The following MIA2 variants were observed in gnomAD, a reference collection of about 807,000 sequenced individuals.
MIA2 encodes the protein MIA SH3 domain ER export factor 2, also known as melanoma inhibitory activity protein 2.
MIA2 carries 127 observed loss-of-function variants against 167.8 expected under a neutral mutation model. That is an observed-to-expected ratio of 0.76 (90% confidence interval 0.66 to 0.88). The LOEUF is 0.88. Ranked by LOEUF, MIA2 falls within the 40% of genes least tolerant of loss-of-function variation. MIA2 has a pLI of 0.00. For synonymous variants in MIA2, 552 were observed against 541.9 expected (o/e 1.02, Z -0.26); for missense variants, 1,690 against 1,624.7 (o/e 1.04, Z -0.69).
chr14:39,250,216 G>A (rs1427081952), intron 4 of MIA2, among the ~76,000 whole-genome samples: 1 of 152,084 alleles, frequency 6.6e-6, no homozygotes, highest in Non-Finnish European at 1.5e-5. Flanking sequence ...AAATATTTTA[G>A]AGCACAATCA....
In MIA2 at chr14:39,267,315, C is replaced by T. The variant is rs937585812; in HGVS notation, c.1888-9619C>T. ...TGCGGGTGCCCCTGTCCCCCAGCTCCCCCCGCAGCCGGCTCCGCAGTGGTC... is the reference window on the plus strand; with the variant it reads ...TGCGGGTGCCCCTGTCCCCCAGCTCTCCCCGCAGCCGGCTCCGCAGTGGTC... On this transcript the variant is annotated intron_variant, in intron 6 of 28. Coordinates refer to ENST00000640607, the MANE Select transcript of MIA2 (RefSeq NM_001329214.4). The T allele has an allele frequency of 5.3e-6, 8 of 1,496,956 alleles. No homozygotes were observed. The African/African-American group carries it at 7.1e-5, about 13-fold the overall frequency. The allele number at this position is 1,496,956 out of a possible 1,614,324, so 92.7% of individuals were successfully genotyped here. A position where few individuals can be genotyped will look rare whatever the true frequency, so the allele number is the denominator to read the frequency against.
chr14:39,325,748 C>T (rs2067410167), intron 24 of MIA2, among the ~76,000 whole-genome samples: 1 of 151,194 alleles, frequency 6.6e-6, no homozygotes, highest in African/African-American at 2.4e-5. Flanking sequence ...GAGTCTCACT[C>T]TGTCACCCAG....
At chr14:39,315,528 A>G (rs2065250309) in intron 20 of MIA2, among the ~76,000 whole-genome samples, 155 bp from the exon 21 acceptor site, 1 of 152,188 alleles carries the variant, frequency 6.6e-6, no homozygotes, top group Non-Finnish European at 1.5e-5. Context: ...ATAATAGATT[A>G]TGTATACATG....
At chr14:39,303,412 T>C in intron 15 of MIA2, 66 bp from the exon 16 acceptor site, 2 of 1,176,358 alleles carry the variant, frequency 1.7e-6, no homozygotes, top group Non-Finnish European at 2.5e-6. Flanking sequence ...TAAAATCATT[T>C]TGATGTCTAT....
chr14:39,306,491 G>A (rs1005597450), intron 17 of MIA2, among the ~76,000 whole-genome samples: 1 of 152,080 alleles, frequency 6.6e-6, no homozygotes, highest in Non-Finnish European at 1.5e-5. Context: ...CATCTAGGGG[G>A]AGACAGCGCT....
At position 39,307,462 on chromosome 14, in the gene MIA2, C is replaced by T. The variant is rs139528528; in HGVS notation, c.2879-987C>T. On this transcript the variant is annotated intron_variant, in intron 17 of 28. Coordinates refer to ENST00000640607, the MANE Select transcript of MIA2 (RefSeq NM_001329214.4). ...TGTCATCCAGGCTGGAGTGCAGTGG[C>T]GTGATCTTGGCTCACTGCACGCTCT... Among the ~76,000 whole-genome samples, 1,168 of 122,936 alleles carry T rather than the reference C, an allele frequency of 9.5e-3. 17 individuals carry two copies. Among genetic ancestry groups the T allele is most frequent in the African/African-American group, 0.033 (1,069 of 32,328 alleles). 80.7% of individuals were successfully genotyped at this position (122,936 alleles called of 152,430 possible). A position where few individuals can be genotyped will look rare whatever the true frequency, so the allele number is the denominator to read the frequency against.
Position 39,277,019 on chromosome 14 carries a change from T to G in MIA2, c.1973T>G (p.Val658Gly). The G allele has an allele frequency of 6.2e-7, 1 of 1,613,954 alleles. No homozygotes were observed. The change falls in exon 7 of 29, where the codon GTT becomes GGT. Residue 658 changes from valine (V) to glycine (G), a missense_variant. Transcript: ENST00000640607. Reference sequence around the variant, plus strand: ...GAATTGGTGATATGTGCAGCTGTTGTTGGATTTTTTGCTGTTCTCTTTTTT... The same window carrying G: ...GAATTGGTGATATGTGCAGCTGTTGGTGGATTTTTTGCTGTTCTCTTTTTT... ...PWELVICAAV[V>G]GFFAVLFFLW...
chr14:39,314,997 T>C (rs1425061358), intron 20 of MIA2, 198 bp downstream of exon 20: 2 of 437,402 alleles, frequency 4.6e-6, no homozygotes, highest in African/African-American at 4.0e-5. Flanking sequence ...AAAATTGCTG[T>C]ATTGGCTGGG....
At chr14:39,268,076 G>C (rs2056335941) in intron 6 of MIA2, among the ~76,000 whole-genome samples, 1 of 151,420 alleles carries the variant, frequency 6.6e-6, no homozygotes, top group African/African-American at 2.4e-5. Flanking sequence ...GTACAGTCTA[G>C]AGATAGTAAA....
chr14:39,280,465 G>A (rs1351679502), intron 9 of MIA2, among the ~76,000 whole-genome samples: 1 of 152,120 alleles, frequency 6.6e-6, no homozygotes. Flanking sequence ...GGGCACGGTG[G>A]CTCATGCTTG....
exon 24 of MIA2, chr14:39,387,872 G>A (rs2075293260): frequency 6.6e-6 from 1 of 152,152 alleles, no homozygotes; most frequent in Non-Finnish European, 1.5e-5. Flanking sequence ...AAAAGATTAT[G>A]ACTCGCTGAA....
chr14:39,383,018 T>TG (rs2075201055), intron 23 of MIA2, among the ~76,000 whole-genome samples: 3 of 149,768 alleles, frequency 2.0e-5, no homozygotes, highest in Admixed American at 1.3e-4. Context: ...AGGCCTTCTG[T>TG]GGGTCCTGAT....
chr14:39,320,963 C>G lies in MIA2; in HGVS notation c.3403C>G (p.Pro1135Ala), dbSNP rs1273642311. The change falls in exon 24 of 29, where the codon CCT (proline) becomes GCT (alanine). Residue 1135 changes from proline (P) to alanine (A), a missense_variant. Transcript: ENST00000640607. ...SPYGPSPLGW[P>A]SSETRAFLSP... is the part of the protein sequence containing the mutation. ...ATATGGTCCCTCACCATTGGGTTGGCCTTCATCTGAAACAAGAGCTTTTCT... is the reference window on the plus strand; with the variant it reads ...ATATGGTCCCTCACCATTGGGTTGGGCTTCATCTGAAACAAGAGCTTTTCT... 6.2e-7 allele frequency: 1 copy of G among 1,613,556 alleles called. No homozygotes were observed. The highest frequency in any genetic ancestry group is 8.5e-7 in the Non-Finnish European group (1 of 1,179,704).
At chr14:39,365,969 C>T (rs1378478303) in intron 23 of MIA2, among the ~76,000 whole-genome samples, 1 of 151,908 alleles carries the variant, frequency 6.6e-6, no homozygotes, top group Non-Finnish European at 1.5e-5. Context: ...TTTGTATTGG[C>T]TTTTGTAGGG....
At position 39,247,956 on chromosome 14, in the gene MIA2, T is replaced by C. The variant is rs1197625703; in HGVS notation, c.1382T>C (p.Leu461Ser). Residue 461 changes from leucine to serine, a missense_variant, in exon 4 of 29, where the codon TTG (leucine) becomes TCG (serine). By Grantham distance (145) the Leu-to-Ser change is moderately radical. Transcript: ENST00000640607. ...SDTIPYLKKFLYNFDNPWNFQ... is the reference protein window; with the variant it reads ...SDTIPYLKKFSYNFDNPWNFQ... ...ACTATACCATATTTGAAAAAGTTCTTGTATAATTTTGACAACCCTTGGAAC... is the reference window on the plus strand; with the variant it reads ...ACTATACCATATTTGAAAAAGTTCTCGTATAATTTTGACAACCCTTGGAAC... 1 of 1,597,436 alleles carries C rather than the reference T, an allele frequency of 6.3e-7. No homozygotes were observed. The highest frequency in any genetic ancestry group is 8.5e-7 in the Non-Finnish European group (1 of 1,176,296).
intron 22 of MIA2, among the ~76,000 whole-genome samples, chr14:39,318,270 G>A (rs1022525056): frequency 6.6e-6 from 1 of 152,150 alleles, no homozygotes; most frequent in Non-Finnish European, 1.5e-5. Context: ...AACCAGTGTA[G>A]ATGGATGGAG....
At chr14:39,319,978 T>C (rs2066134228) in intron 23 of MIA2, among the ~76,000 whole-genome samples, 1 of 152,146 alleles carries the variant, frequency 6.6e-6, no homozygotes, top group Admixed American at 6.5e-5. Flanking sequence ...TGGAAAGTTA[T>C]AAAAATCACT....
chr14:39,364,709 A>T lies in MIA2; in HGVS notation c.2248+15732A>T, dbSNP rs1046554793. Among the ~76,000 whole-genome samples the T allele has an allele frequency of 1.3e-4, 17 of 135,064 alleles. No individual in the cohort carries two copies. In the South Asian group the frequency reaches 2.8e-3, roughly 22 times the overall value. 88.6% of individuals were successfully genotyped at this position (135,064 alleles called of 152,430 possible). ...GCTGGGTATAGTATTCTTGGCTGAT[A>T]GTTTGTTTTTTTTGTTTTGTTTTTG... On this transcript the variant is annotated intron_variant, in intron 23 of 23. Coordinates refer to the MIA2 transcript ENST00000341502.
intron 23 of MIA2, among the ~76,000 whole-genome samples, chr14:39,362,023 C>T (rs1329151636): frequency 6.6e-6 from 1 of 152,152 alleles, no homozygotes; most frequent in African/African-American, 2.4e-5. Context: ...ATCCTTTTAT[C>T]TGTGGGATAA....
Sources: gnomAD v4.1 joint callset for allele counts (sites outside exome capture counted in the v4.1 genomes callset) on GRCh38, gnomAD v4.1.1 for gene constraint, MANE v1.5 for transcripts, NCBI Gene and HGNC (gene_info 2026-07-23, HGNC 2026-07-21) for gene names.